Variants in NECTIN1 observed in about 807,000 individuals in gnomAD.
The protein encoded by NECTIN1 is nectin-1.
NECTIN1 carries 23 observed loss-of-function variants against 48.0 expected under a neutral mutation model. That is an observed-to-expected ratio of 0.48 (90% CI 0.34 to 0.68). The LOEUF (loss-of-function observed/expected upper bound fraction) is 0.68. NECTIN1 is among the 30% of genes least tolerant of loss of function. The pLI is 0.01. For synonymous variants in NECTIN1, 270 were observed against 288.9 expected (o/e 0.93, Z 0.66); for missense variants, 591 against 709.9 (o/e 0.83, Z 1.90).
chr11:119,695,983 C>A (rs990176104), intron 1 of NECTIN1, among the ~76,000 whole-genome samples: 1 of 152,100 alleles, frequency 6.6e-6, no homozygotes, highest in Non-Finnish European at 1.5e-5. Flanking sequence ...AATTGAAAAG[C>A]CAAAAAGAAT....
intron 4 of NECTIN1, chr11:119,676,875 C>G: frequency 1.7e-6 from 1 of 588,142 alleles, no homozygotes; most frequent in Non-Finnish European, 3.1e-6. Context: ...GGAAACCCCT[C>G]TGGCAGAATA....
At chr11:119,718,418 G>T (rs1460468881) in intron 1 of NECTIN1, among the ~76,000 whole-genome samples, 2 of 152,206 alleles carry the variant, frequency 1.3e-5, no homozygotes, top group Non-Finnish European at 2.9e-5. Flanking sequence ...AAAGCAGCCG[G>T]CCCAGGAGAA....
intron 5 of NECTIN1, among the ~76,000 whole-genome samples, chr11:119,648,124 G>A (rs1470292415): frequency 1.4e-5 from 2 of 144,098 alleles, no homozygotes; most frequent in Admixed American, 7.1e-5. Context: ...AGGTAAGCAC[G>A]TGAGAGCCTG....
chr11:119,664,907 T>C lies in NECTIN1; in HGVS notation c.1394A>G (p.Lys465Arg), dbSNP rs1475639621. Residue 465 changes from lysine to arginine, a missense_variant, in exon 6 of 6, where the codon AAG becomes AGG. Physicochemically the swap from Lys to Arg is conservative, Grantham distance 26 (BLOSUM62 2). Transcript: ENST00000264025. ...GPHPKYDEDA[K>R]RPYFTVDEAE... ...CTCATCCACGGTGAAGTAGGGCCGC[T>C]TGGCGTCCTCGTCATATTTGGGGTG... 1 of 1,613,880 alleles carries C rather than the reference T, an allele frequency of 6.2e-7. No homozygotes were observed. The highest frequency in any genetic ancestry group is 1.3e-5 in the African/African-American group (1 of 74,910).
At chr11:119,707,112 C>T (rs999395718) in intron 1 of NECTIN1, among the ~76,000 whole-genome samples, 10 of 152,106 alleles carry the variant, frequency 6.6e-5, no homozygotes, top group African/African-American at 2.2e-4. Context: ...AGGGAAAGGC[C>T]GTTTCATCCT....
At chr11:119,651,432 G>C (rs769297315) in intron 5 of NECTIN1, among the ~76,000 whole-genome samples, 5 of 152,118 alleles carry the variant, frequency 3.3e-5, no homozygotes, top group East Asian at 1.9e-4. Flanking sequence ...GTCTTTCTTG[G>C]GGGGGGTCTG....
chr11:119,667,652 C>T (rs1003033961), intron 5 of NECTIN1, among the ~76,000 whole-genome samples: 3 of 152,138 alleles, frequency 2.0e-5, no homozygotes, highest in Non-Finnish European at 4.4e-5. Context: ...CCGTGGTTCT[C>T]GGCTTTCCTC....
Position 119,662,166 on chromosome 11 carries a change from C to T in NECTIN1, c.*2581G>A. ...TTTCATTTCCAGCAAAGCAGAAGCT[C>T]AGCTCATGCTGTGGGCATGAAGGAG... On this transcript the variant is annotated 3_prime_UTR_variant, in exon 6 of 6. Transcript: ENST00000264025. The surrounding 1 kb of genome is among the most constrained non-coding windows in gnomAD (Gnocchi z 5.3). The T allele has an allele frequency of 1.0e-6, 1 of 985,432 alleles. No homozygotes were observed. Among genetic ancestry groups the T allele is most frequent in the Non-Finnish European group, 1.2e-6 (1 of 829,922 alleles). The allele number at this position is 985,432 out of a possible 1,614,324, so 61.0% of individuals were successfully genotyped here.
At position 119,673,992 on chromosome 11, in the gene NECTIN1, C is replaced by T. The variant is rs189990841; in HGVS notation, c.1003+1167G>A. ...CCCCTGGGTGAGAGACGTGACAGAA[C>T]GGCTCTGAGGACAGGTAGGCGCAGA... On this transcript the variant is annotated intron_variant, in intron 5 of 5. Coordinates refer to ENST00000264025, the MANE Select transcript of NECTIN1 (RefSeq NM_002855.5). This position sits in a 1 kb window ranked among gnomAD's most constrained non-coding sequence, Gnocchi z 5.8. Among the ~76,000 whole-genome samples the T allele has an allele frequency of 6.6e-5, 10 of 152,348 alleles. No individual in the cohort carries two copies. In the East Asian group the frequency reaches 1.5e-3, roughly 24 times the overall value.
Position 119,665,031 on chromosome 11 carries a change from C to A in NECTIN1, c.1270G>T (p.Asp424Tyr). The part of the protein sequence containing the change: ...QNLQYPDDSD[D>Y]EKKAGPLGGS... The stretch of plus-strand genomic sequence containing the variant: ...CCCAGTGGGCCGGCCTTCTTCTCGT[C>A]GTCTGAGTCGTCGGGGTACTGCAGG... Residue 424 changes from aspartate to tyrosine, a missense_variant, in exon 6 of 6, where the codon GAC (aspartate) becomes TAC (tyrosine). Coordinates refer to ENST00000264025, the MANE Select transcript of NECTIN1 (RefSeq NM_002855.5). The surrounding 1 kb of genome is among the most constrained non-coding windows in gnomAD (Gnocchi z 5.1). The A allele has an allele frequency of 1.2e-6, 2 of 1,613,870 alleles. No individual in the cohort carries two copies. The highest frequency in any genetic ancestry group is 8.5e-7 in the Non-Finnish European group (1 of 1,179,910).
chr11:119,728,020 A>T, intron 1 of NECTIN1, among the ~76,000 whole-genome samples: 1 of 152,004 alleles, frequency 6.6e-6, no homozygotes. Context: ...GGGGCCGCCG[A>T]AAGAGACGAA....
In NECTIN1 at chr11:119,683,742, G is replaced by GT. The variant is rs767938807; in HGVS notation, c.80-4978dup. ...CATCCCACAGATATCAAAAGAATCA[G>GT]TCTTTTTTTTTTTCCTGAACTCAAG... On this transcript the variant is annotated intron_variant, in intron 1 of 5. Transcript: ENST00000264025. This position sits in a 1 kb window ranked among gnomAD's most constrained non-coding sequence, Gnocchi z 4.0. 5.9e-5 allele frequency among the ~76,000 whole-genome samples: 9 copies of GT among 151,838 alleles called. No individual in the cohort carries two copies. Among genetic ancestry groups the GT allele is most frequent in the Non-Finnish European group, 1.3e-4 (9 of 67,946 alleles).
chr11:119,718,762 T>G (rs1865782976), intron 1 of NECTIN1, among the ~76,000 whole-genome samples: 1 of 152,194 alleles, frequency 6.6e-6, no homozygotes, highest in Non-Finnish European at 1.5e-5. Context: ...GACATTCCAC[T>G]CTGGCACAGC....
At position 119,727,899 on chromosome 11, in the gene NECTIN1, G is replaced by A. The variant is rs2134352272; in HGVS notation, c.79+576C>T. Among the ~76,000 whole-genome samples, 1 of 152,334 alleles carries A rather than the reference G, an allele frequency of 6.6e-6. No homozygotes were observed. Among genetic ancestry groups the A allele is most frequent in the South Asian group, 2.1e-4 (1 of 4,826 alleles). ...GCCCCGGCCTCACCCTCCAGGAAAG[G>A]AACCGCAGGTGAGCGAGGAGCCGCC... On this transcript the variant is annotated intron_variant, in intron 1 of 5. Transcript: ENST00000264025. This position sits in a 1 kb window ranked among gnomAD's most constrained non-coding sequence, Gnocchi z 4.1.
chr11:119,638,763 T>C, exon 7 of NECTIN1: 1 of 1,614,006 alleles, frequency 6.2e-7, no homozygotes, highest in South Asian at 1.1e-5. Context: ...GAGCTTTGCC[T>C]GCTGGGAGAA....
chr11:119,672,751 C>A lies in NECTIN1; in HGVS notation c.1003+2408G>T, dbSNP rs183923054. 8.5e-5 allele frequency among the ~76,000 whole-genome samples: 13 copies of A among 152,296 alleles called. No homozygotes were observed. Among genetic ancestry groups the A allele is most frequent in the Non-Finnish European group, 1.3e-4 (9 of 68,012 alleles). ...CCACTCTGCTCCAGCCATTTTCCTTCCCATGCTTCCCTGGCCTGGGCATCC... is the reference window on the plus strand; with the variant it reads ...CCACTCTGCTCCAGCCATTTTCCTTACCATGCTTCCCTGGCCTGGGCATCC... On this transcript the variant is annotated intron_variant, in intron 5 of 5. Transcript: ENST00000264025. The surrounding 1 kb of genome is among the most constrained non-coding windows in gnomAD (Gnocchi z 4.3).
Position 119,678,480 on chromosome 11 carries a change from T to A in NECTIN1, c.365A>T (p.Tyr122Phe). 1.2e-6 allele frequency: 2 copies of A among 1,614,198 alleles called. No individual in the cohort carries two copies. The highest frequency in any genetic ancestry group is 1.7e-6 in the Non-Finnish European group (2 of 1,180,030). Residue 122 changes from tyrosine to phenylalanine, a missense_variant, in exon 2 of 6, where the codon TAC (tyrosine) becomes TTC (phenylalanine). Tyr to Phe is a conservative substitution (Grantham distance 22). Coordinates refer to ENST00000264025, the MANE Select transcript of NECTIN1 (RefSeq NM_002855.5). This position sits in a 1 kb window ranked among gnomAD's most constrained non-coding sequence, Gnocchi z 4.4. ...SRLELEDEGVYICEFATFPTG... is the reference protein window; with the variant it reads ...SRLELEDEGVFICEFATFPTG... ...AGGGAAGGTAGCAAACTCGCAGATG[T>A]AGACACCCTCATCCTCCAGCTCCAG...
Position 119,666,234 on chromosome 11 carries a change from C to T in NECTIN1, c.1004-937G>A, listed in dbSNP as rs543289388. On this transcript the variant is annotated intron_variant, in intron 5 of 5. Transcript: ENST00000264025. ...ATACACGCTTGCCGTCATAGCAAGC[C>T]TGCCACCCAGAGAGCACATGCTGGG... 2.1e-3 allele frequency among the ~76,000 whole-genome samples: 324 copies of T among 152,342 alleles called. 4 individuals carry two copies. Among genetic ancestry groups the T allele is most frequent in the African/African-American group, 6.4e-3 (266 of 41,576 alleles).
chr11:119,709,554 G>C lies in NECTIN1; in HGVS notation c.79+18921C>G, dbSNP rs1865601209. Among the ~76,000 whole-genome samples, 2 of 152,160 alleles carry C rather than the reference G, an allele frequency of 1.3e-5. No individual in the cohort carries two copies. Among genetic ancestry groups the C allele is most frequent in the Non-Finnish European group, 2.9e-5 (2 of 68,032 alleles). On this transcript the variant is annotated intron_variant, in intron 1 of 5. Transcript: ENST00000264025. The surrounding 1 kb of genome is among the most constrained non-coding windows in gnomAD (Gnocchi z 4.1). Reference sequence around the variant, plus strand: ...GGTTCAGGGGTTGGGGAAGGGAAGGGCTAGCTCCCTAGTCTGTAAGGGCAG... The same window carrying C: ...GGTTCAGGGGTTGGGGAAGGGAAGGCCTAGCTCCCTAGTCTGTAAGGGCAG...
Sources: gnomAD v4.1 joint callset for allele counts (sites outside exome capture counted in the v4.1 genomes callset) on GRCh38, gnomAD v4.1.1 for gene constraint, Gnocchi (gnomAD v3.1) non-coding constraint, MANE v1.5 for transcripts, NCBI Gene and HGNC (gene_info 2026-07-23, HGNC 2026-07-21) for gene names.